Variants in RHOT1 observed in about 807,000 individuals in gnomAD.
RHOT1 encodes the protein mitochondrial Rho GTPase 1.
Under a neutral mutation model 95.3 loss-of-function variants are expected in RHOT1, and 27 were observed. The ratio of observed to expected loss-of-function variants is 0.28; its 90% CI spans 0.21 to 0.39. The LOEUF (loss-of-function observed/expected upper bound fraction) is 0.39, where lower values mean the gene tolerates loss of function less well. Among genes scored for constraint, RHOT1 ranks in the 10% least tolerant of loss-of-function variants. RHOT1 has a pLI of 1.00. For synonymous variants in RHOT1, 227 were observed against 263.5 expected, an observed-to-expected ratio of 0.86 and a Z score of 1.34; for missense variants, 578 against 786.7, an observed-to-expected ratio of 0.73 and a Z score of 3.17.
chr17:32,143,137 T>A (rs1346278150), intron 1 of RHOT1: 1 of 529,316 alleles, frequency 1.9e-6, no homozygotes, highest in Admixed American at 2.3e-5. Context: ...GGAGATTCCC[T>A]TATCACTGCC....
chr17:32,169,795 A>C (rs8064790), intron 1 of RHOT1, among the ~76,000 whole-genome samples: 43,170 of 151,748 alleles, frequency 0.28, 8,067 homozygotes, highest in African/African-American at 0.53. Context: ...TGCTTGAGTC[A>C]AGGAGTTTGA....
chr17:32,186,433 G>A lies in RHOT1; in HGVS notation c.540+3161G>A, dbSNP rs983786133. ...GGCTGGAGTCCAGTGGCACAATCTC[G>A]GCTCACTGCAAACTTCACCTCCTGG... On this transcript the variant is annotated intron_variant, in intron 8 of 19. Coordinates refer to ENST00000545287, the MANE Select transcript of RHOT1 (RefSeq NM_001033566.3). Among the ~76,000 whole-genome samples the A allele has an allele frequency of 8.1e-5, 12 of 148,840 alleles. No homozygotes were observed. In the South Asian group the frequency reaches 1.3e-3, roughly 16 times the overall value.
At chr17:32,200,826 AG>A in intron 13 of RHOT1, 129 bp from the exon 14 acceptor site, 1 of 603,168 alleles carries the variant, frequency 1.7e-6, no homozygotes, top group Admixed American at 2.9e-5. Context: ...TTGGGCTCAT[AG>A]GAAATTAAAG....
At position 32,183,667 on chromosome 17, in the gene RHOT1, T is replaced by C. The variant is rs567271902; in HGVS notation, c.540+395T>C. On this transcript the variant is annotated intron_variant, in intron 8 of 19. Coordinates refer to ENST00000545287, the MANE Select transcript of RHOT1 (RefSeq NM_001033566.3). Reference sequence around the variant, plus strand: ...TAGGCACAATGTAATACAATGTGACTACTACTTTTGTTTTTGTTTTTTTTC... The same window carrying C: ...TAGGCACAATGTAATACAATGTGACCACTACTTTTGTTTTTGTTTTTTTTC... Among the ~76,000 whole-genome samples, 20 of 152,318 alleles carry C rather than the reference T, an allele frequency of 1.3e-4. No homozygotes were observed. The East Asian group carries it at 3.9e-3, about 29-fold the overall frequency.
chr17:32,199,645 T>G, intron 13 of RHOT1, 95 bp downstream of exon 13: 2 of 1,073,596 alleles, frequency 1.9e-6, no homozygotes, highest in Non-Finnish European at 2.6e-6. Flanking sequence ...TGAGGCATTA[T>G]GAAATTCTTC....
At position 32,199,504 on chromosome 17, in the gene RHOT1, A is replaced by G; in HGVS notation, c.1054A>G (p.Asn352Asp). 1 of 1,612,724 alleles carries G rather than the reference A, an allele frequency of 6.2e-7. No homozygotes were observed. The highest frequency in any genetic ancestry group is 1.1e-5 in the South Asian group (1 of 90,676). The change falls in exon 13 of 20, where the codon AAT (asparagine) becomes GAT (aspartate). Residue 352 changes from asparagine to aspartate, a missense_variant. Asn to Asp is a conservative substitution (Grantham distance 23, BLOSUM62 1). Coordinates refer to ENST00000545287, the MANE Select transcript of RHOT1 (RefSeq NM_001033566.3). ...GPDVNNTVCT[N>D]ERGWITYQGF... ...AGATGTGAATAACACAGTTTGTACC[A>G]ATGAAAGAGGCTGGATAACCTACCA...
intron 8 of RHOT1, 21 bp from the exon 9 acceptor site, chr17:32,192,180 T>A (rs1663851975): frequency 8.8e-7 from 1 of 1,137,282 alleles, no homozygotes; most frequent in African/African-American, 1.6e-5. Context: ...AACAATTATT[T>A]CTTTTCTCAA....
intron 1 of RHOT1, among the ~76,000 whole-genome samples, chr17:32,149,635 A>ATATATATATATATGTG (rs1445281403): frequency 2.5e-4 from 15 of 59,082 alleles, no homozygotes; most frequent in South Asian, 8.7e-4. Context: ...ATATATATAT[A>ATATATATATATATGTG]TGTGTGTGTG....
chr17:32,167,328 A>AT (rs34426273), intron 1 of RHOT1, among the ~76,000 whole-genome samples: 4,614 of 144,114 alleles, frequency 0.032, 177 homozygotes, highest in African/African-American at 0.097. Flanking sequence ...ATTGAGCATA[A>AT]TTTTTTTTTT....
intron 6 of RHOT1, among the ~76,000 whole-genome samples, chr17:32,180,398 G>A (rs1265750497): frequency 6.6e-6 from 1 of 151,984 alleles, no homozygotes; most frequent in Non-Finnish European, 1.5e-5. Flanking sequence ...TGTCAACTCA[G>A]GGTTAAATGG....
rs1290006480 is a variant in RHOT1 at position 32,218,124 on chromosome 17, A to G, written c.1863-6492A>G. On this transcript the variant is annotated intron_variant, in intron 19 of 19. Transcript: ENST00000545287. ...GTGATCTGGCTACCTCGGCCTCCCA[A>G]AGTGCTGGGATTACAGGCATGGGCC... 2.0e-5 allele frequency among the ~76,000 whole-genome samples: 3 copies of G among 151,940 alleles called. No homozygotes were observed. The South Asian group carries it at 6.2e-4, about 31-fold the overall frequency.
chr17:32,190,845 G>T (rs1230905245), intron 8 of RHOT1, among the ~76,000 whole-genome samples: 1 of 152,090 alleles, frequency 6.6e-6, no homozygotes, highest in East Asian at 1.9e-4. Flanking sequence ...TCCCAGACTG[G>T]AGTGCAGTGA....
rs375811682 is a variant in RHOT1 at position 32,182,712 on chromosome 17, A to G, written c.330-45A>G. 6 of 1,075,750 alleles carry G rather than the reference A, an allele frequency of 5.6e-6. No homozygotes were observed. In the Middle Eastern group the frequency reaches 6.2e-4, roughly 110 times the overall value. 66.6% of individuals were successfully genotyped at this position (1,075,750 alleles called of 1,614,324 possible). On this transcript the variant is annotated intron_variant, in intron 6 of 19. Transcript: ENST00000545287. ...ATGATATAAATTAAAATATAAATTT[A>G]ATGTCTTTTGCCTTCCTTATTACAA...
Position 32,176,039 on chromosome 17 carries a change from A to G in RHOT1, c.276+24A>G, listed in dbSNP as rs115936384. ...AGGTAGGTGTGATCTTTTTTTCCCT[A>G]TAGTTGGTTTCAGTGGAGTGCTTCC... On this transcript the variant is annotated intron_variant, in intron 5 of 19. Transcript: ENST00000545287. The G allele has an allele frequency of 5.7e-4, 906 of 1,600,830 alleles. 6 individuals carry two copies. In the African/African-American group the frequency reaches 0.01, roughly 18 times the overall value.
rs1314442667 is a variant in RHOT1 at position 32,171,038 on chromosome 17, C to T, written c.38-5C>T. Reference sequence around the variant, plus strand: ...TTATTAAAGTAACGATTTTTCTTTTCACAGCTAGAGTTGGGAAGACATCAC... The same window carrying T: ...TTATTAAAGTAACGATTTTTCTTTTTACAGCTAGAGTTGGGAAGACATCAC... On this transcript the variant is annotated splice_polypyrimidine_tract_variant and splice_region_variant and intron_variant, in intron 1 of 19. Coordinates refer to ENST00000545287, the MANE Select transcript of RHOT1 (RefSeq NM_001033566.3). 6.3e-7 allele frequency: 1 copy of T among 1,596,004 alleles called. No homozygotes were observed. Among genetic ancestry groups the T allele is most frequent in the East Asian group, 2.3e-5 (1 of 44,278 alleles).
Position 32,224,713 on chromosome 17 carries a change from G to A in RHOT1, c.1960G>A (p.Ala654Thr), listed in dbSNP as rs2039040317. 1.9e-6 allele frequency: 3 copies of A among 1,607,990 alleles called. No homozygotes were observed. The highest frequency in any genetic ancestry group is 2.6e-6 in the Non-Finnish European group (3 of 1,175,694). The change falls in exon 20 of 20, where the codon GCA (alanine) becomes ACA (threonine). Residue 654 changes from alanine to threonine, a missense_variant. Ala to Thr is a moderately conservative substitution (Grantham distance 58). Coordinates refer to ENST00000545287, the MANE Select transcript of RHOT1 (RefSeq NM_001033566.3). ...FAVLGFAMYK[A>T]LLKQR ...AGTTTTGGGCTTTGCTATGTACAAAGCATTATTGAAACAGCGATGATATAA... is the reference window on the plus strand; with the variant it reads ...AGTTTTGGGCTTTGCTATGTACAAAACATTATTGAAACAGCGATGATATAA...
intron 8 of RHOT1, among the ~76,000 whole-genome samples, chr17:32,187,926 T>C (rs1311423731): frequency 6.6e-6 from 1 of 152,258 alleles, no homozygotes; most frequent in South Asian, 2.1e-4. Flanking sequence ...GTGAAAATTA[T>C]ATTACATTCA....
intron 1 of RHOT1, among the ~76,000 whole-genome samples, chr17:32,154,691 G>A (rs938988463): frequency 1.5e-4 from 22 of 151,314 alleles, no homozygotes; most frequent in African/African-American, 3.7e-4. Context: ...TCAGGAGTTC[G>A]AGGCCAGCCT....
chr17:32,198,723 A>G (rs2037090459), intron 11 of RHOT1, among the ~76,000 whole-genome samples: 1 of 152,138 alleles, frequency 6.6e-6, no homozygotes, highest in Non-Finnish European at 1.5e-5. Flanking sequence ...TAAAAAAGAG[A>G]AAAAAAGAAA....
Sources: gnomAD v4.1 joint callset for allele counts (sites outside exome capture counted in the v4.1 genomes callset) on GRCh38, gnomAD v4.1.1 for gene constraint, MANE v1.5 for transcripts, NCBI Gene and HGNC (gene_info 2026-07-23, HGNC 2026-07-21) for gene names.